CFAP20DC: variants seen among roughly 807,000 people sequenced by gnomAD.
The protein encoded by CFAP20DC is protein CFAP20DC.
CFAP20DC carries 84 observed loss-of-function variants against 101.7 expected under a neutral mutation model. That is an observed-to-expected ratio of 0.83 (90% CI 0.69 to 0.99). The LOEUF (loss-of-function observed/expected upper bound fraction) is 0.99. Among genes scored for constraint, CFAP20DC ranks in the 50% least tolerant of loss-of-function variants. The probability of loss-of-function intolerance (pLI) is 0.00; values close to 1 mark genes in which losing one functional copy is unlikely to be tolerated. For missense variants in CFAP20DC, 1,007 were observed against 970.3 expected (o/e 1.04, Z -0.50); for synonymous variants, 359 against 351.2 (o/e 1.02, Z -0.25).
At chr3:58,849,548 A>G (rs2078035841) in intron 12 of CFAP20DC, 139 bp from the exon 13 acceptor site, 1 of 652,100 alleles carries the variant, frequency 1.5e-6, no homozygotes, top group South Asian at 2.4e-5. Context: ...TTTAATCTGC[A>G]AAGAAAAACA....
chr3:58,728,757 CTA>C lies in CFAP20DC; in HGVS notation c.198-11131_198-11130del, dbSNP rs1462269729. On this transcript the variant is annotated intron_variant, in intron 3 of 3. Coordinates refer to the CFAP20DC transcript ENST00000486145. This position sits in a 1 kb window ranked among gnomAD's most constrained non-coding sequence, Gnocchi z 4.7. ...TTTTAATAATATTGATTCTTCTCAT[CTA>C]TGAACATGGAACATCCTTTCAATTA... Among the ~76,000 whole-genome samples, 4 of 152,190 alleles carry C rather than the reference CTA, an allele frequency of 2.6e-5. No homozygotes were observed. The highest frequency in any genetic ancestry group is 4.4e-5 in the Non-Finnish European group (3 of 68,036).
rs148426999 is a variant in CFAP20DC at position 58,913,760 on chromosome 3, T to C, written c.498A>G (p.Leu166=). ...TTGATTTTAAGGTGAAGATCTTCCG[T>C]AGCTTACAGTTAGCTGAGACAACAA... ...DGIVVSANCK[L]RKIFTLKSKP... is the part of the protein sequence containing the mutation. Residue 166 remains leucine, a synonymous_variant, in exon 6 of 17, where the codon CTA becomes CTG. Coordinates refer to ENST00000482387, the MANE Select transcript of CFAP20DC (RefSeq NM_001394063.1). The surrounding 1 kb of genome is among the most constrained non-coding windows in gnomAD (Gnocchi z 4.4). 107 of 1,613,722 alleles carry C rather than the reference T, an allele frequency of 6.6e-5. No individual in the cohort carries two copies. In the African/African-American group the frequency reaches 9.6e-4, roughly 14 times the overall value.
chr3:58,825,593 A>G (rs1161773649), intron 14 of CFAP20DC, among the ~76,000 whole-genome samples: 1 of 151,972 alleles, frequency 6.6e-6, no homozygotes, highest in African/African-American at 2.4e-5. Context: ...AAAATCCCTC[A>G]CCAAGATAAA....
rs1413051273 is a variant in CFAP20DC, at chr3:58,899,988, A to C, written c.550+13720T>G. ...GCTAAGTACTCTGAGGGAAAAGTTCAAGGTGAAGAAACAGCATAATGGGAG... is the reference window on the plus strand; with the variant it reads ...GCTAAGTACTCTGAGGGAAAAGTTCCAGGTGAAGAAACAGCATAATGGGAG... On this transcript the variant is annotated intron_variant, in intron 6 of 16. Transcript: ENST00000482387. The surrounding 1 kb of genome is among the most constrained non-coding windows in gnomAD (Gnocchi z 5.0). 1.3e-5 allele frequency among the ~76,000 whole-genome samples: 2 copies of C among 152,212 alleles called. No homozygotes were observed. Among genetic ancestry groups the C allele is most frequent in the African/African-American group, 2.4e-5 (1 of 41,452 alleles).
chr3:58,993,229 A>G (rs940262570), intron 4 of CFAP20DC, among the ~76,000 whole-genome samples: 4 of 152,294 alleles, frequency 2.6e-5, no homozygotes, highest in East Asian at 3.8e-4. Context: ...AATGCAGTAC[A>G]TATTTCTTTT....
chr3:58,802,152 T>G (rs769775366), intron 15 of CFAP20DC, among the ~76,000 whole-genome samples: 6 of 152,188 alleles, frequency 3.9e-5, no homozygotes, highest in African/African-American at 9.7e-5. Context: ...TAAAACTCAT[T>G]CCTGAGCAGG....
At chr3:58,988,844 G>A (rs1275963486) in intron 4 of CFAP20DC, among the ~76,000 whole-genome samples, 2 of 151,952 alleles carry the variant, frequency 1.3e-5, no homozygotes, top group Non-Finnish European at 2.9e-5. Flanking sequence ...TTATTACTTT[G>A]CAAATGGAAG....
rs915796905 is a variant in CFAP20DC, at chr3:58,807,004, T to C, written c.2176-548A>G. ...CTGAGATCAAACTGCAAGGCGGCAG[T>C]GAGGCTGGGGGAGGGGTGCCCGCCA... On this transcript the variant is annotated intron_variant, in intron 14 of 16. Coordinates refer to ENST00000482387, the MANE Select transcript of CFAP20DC (RefSeq NM_001394063.1). Among the ~76,000 whole-genome samples the C allele has an allele frequency of 6.6e-5, 10 of 152,078 alleles. No individual in the cohort carries two copies. The South Asian group carries it at 8.3e-4, about 13-fold the overall frequency.
At chr3:58,931,122 A>C (rs1393661247) in intron 5 of CFAP20DC, among the ~76,000 whole-genome samples, 1 of 152,058 alleles carries the variant, frequency 6.6e-6, no homozygotes. Context: ...AGATTATATC[A>C]CACACCTGGC....
intron 4 of CFAP20DC, among the ~76,000 whole-genome samples, chr3:59,026,137 T>C (rs1231499403): frequency 2.6e-5 from 4 of 152,172 alleles, no homozygotes; most frequent in African/African-American, 9.7e-5. Context: ...ATACTGATTA[T>C]GCAAGTACAT....
At chr3:58,719,689 A>G (rs1202699070) in intron 3 of CFAP20DC, among the ~76,000 whole-genome samples, 1 of 152,170 alleles carries the variant, frequency 6.6e-6, no homozygotes, top group Non-Finnish European at 1.5e-5. Flanking sequence ...GTGTCTCCCA[A>G]GAAAAGGGGA....
At chr3:59,042,283 T>C (rs971438155) in intron 3 of CFAP20DC, among the ~76,000 whole-genome samples, 1 of 151,842 alleles carries the variant, frequency 6.6e-6, no homozygotes, top group African/African-American at 2.4e-5. Context: ...GAAGAGGAAA[T>C]GCAGCAGGAG....
Position 58,899,489 on chromosome 3 carries a change from T to C in CFAP20DC, c.550+14219A>G, listed in dbSNP as rs900611815. On this transcript the variant is annotated intron_variant, in intron 6 of 16. Coordinates refer to ENST00000482387, the MANE Select transcript of CFAP20DC (RefSeq NM_001394063.1). This position sits in a 1 kb window ranked among gnomAD's most constrained non-coding sequence, Gnocchi z 5.0. ...TCAGTTCCCTTCCTAGGGATGGATC[T>C]CCCACCTTGCTGAGAATCCTGGGGG... is the stretch of plus-strand genomic sequence containing the variant. Among the ~76,000 whole-genome samples, 2 of 152,188 alleles carry C rather than the reference T, an allele frequency of 1.3e-5. No individual in the cohort carries two copies. Among genetic ancestry groups the C allele is most frequent in the Middle Eastern group, 3.2e-3 (1 of 316 alleles).
chr3:58,812,463 C>A (rs891097961), intron 14 of CFAP20DC, among the ~76,000 whole-genome samples: 2 of 151,678 alleles, frequency 1.3e-5, no homozygotes, highest in Non-Finnish European at 2.9e-5. Context: ...GAACAAAAAA[C>A]CAAACACCGC....
In CFAP20DC at chr3:58,817,126, G is replaced by A. The variant is rs944596437; in HGVS notation, c.2176-10670C>T. 5.9e-5 allele frequency among the ~76,000 whole-genome samples: 9 copies of A among 151,822 alleles called. 1 individual carries two copies. The highest frequency in any genetic ancestry group is 2.1e-4 in the South Asian group (1 of 4,802). ...AACAAACAGAAAGGACATCCACACC[G>A]AAAACCCATCTGTACATCACCATCA... On this transcript the variant is annotated intron_variant, in intron 14 of 16. Transcript: ENST00000482387.
At chr3:58,996,587 A>G (rs1284420350) in intron 4 of CFAP20DC, among the ~76,000 whole-genome samples, 1 of 152,228 alleles carries the variant, frequency 6.6e-6, no homozygotes, top group Non-Finnish European at 1.5e-5. Context: ...AAATGTACTG[A>G]CTGCCTACTA....
chr3:58,856,647 A>C (rs2078856094), intron 12 of CFAP20DC, among the ~76,000 whole-genome samples: 3 of 152,178 alleles, frequency 2.0e-5, no homozygotes, highest in Admixed American at 2.0e-4. Flanking sequence ...AGTGTTCTAA[A>C]TCACTAGGTA....
At chr3:58,973,976 T>A (rs919937101) in intron 4 of CFAP20DC, among the ~76,000 whole-genome samples, 9 of 152,006 alleles carry the variant, frequency 5.9e-5, no homozygotes, top group Admixed American at 5.9e-4. Flanking sequence ...CTTGAGGAAA[T>A]CAAAAGCCTG....
At chr3:58,797,993 T>C (rs1248046648) in intron 15 of CFAP20DC, among the ~76,000 whole-genome samples, 2 of 152,132 alleles carry the variant, frequency 1.3e-5, no homozygotes, top group Admixed American at 6.5e-5. Context: ...TTTCAAAAGA[T>C]TACTGGTCAT....
Sources: gnomAD v4.1 joint callset for allele counts (sites outside exome capture counted in the v4.1 genomes callset) on GRCh38, gnomAD v4.1.1 for gene constraint, Gnocchi (gnomAD v3.1) non-coding constraint, MANE v1.5 for transcripts, NCBI Gene and HGNC (gene_info 2026-07-23, HGNC 2026-07-21) for gene names.